Variants in NTM observed in about 807,000 individuals in gnomAD.
NTM encodes IgLON family member 2.
NTM carries 13 observed loss-of-function variants against 42.1 expected under a neutral mutation model. That is an observed-to-expected ratio of 0.31 (90% CI 0.20 to 0.49). The LOEUF (loss-of-function observed/expected upper bound fraction) is 0.49, where lower values mean the gene tolerates loss of function less well. NTM is among the 20% of genes least tolerant of loss of function. The probability of loss-of-function intolerance (pLI) is 0.99; values close to 1 mark genes in which losing one functional copy is unlikely to be tolerated. For missense variants in NTM, 373 were observed against 452.8 expected (o/e 0.82, Z 1.60); for synonymous variants, 187 against 179.2 (o/e 1.04, Z -0.35).
chr11:131,685,509 C>A (rs1334818149), intron 1 of NTM, among the ~76,000 whole-genome samples: 3 of 152,292 alleles, frequency 2.0e-5, no homozygotes, highest in African/African-American at 7.2e-5. Flanking sequence ...TCAGCTGGTC[C>A]CCTGTACGCC....
intron 4 of NTM, among the ~76,000 whole-genome samples, chr11:132,292,528 C>T (rs2094480124): frequency 6.6e-6 from 1 of 151,950 alleles, no homozygotes; most frequent in Admixed American, 6.6e-5. Context: ...AAAAATGAAC[C>T]TTGAGAGTGC....
chr11:132,081,914 C>A (rs182823577), intron 2 of NTM, among the ~76,000 whole-genome samples: 1 of 143,524 alleles, frequency 7.0e-6, no homozygotes, highest in Non-Finnish European at 1.5e-5. Flanking sequence ...CATATATTCA[C>A]GCCACACACA....
At chr11:131,503,650 A>G (rs2136391705) in intron 1 of NTM, among the ~76,000 whole-genome samples, 1 of 151,904 alleles carries the variant, frequency 6.6e-6, no homozygotes, top group Middle Eastern at 3.4e-3. Flanking sequence ...AGCCTCCCAA[A>G]TAGCTGGGAC....
intron 1 of NTM, among the ~76,000 whole-genome samples, chr11:131,761,514 G>A (rs1039537916): frequency 1.8e-4 from 28 of 152,048 alleles, no homozygotes; most frequent in Non-Finnish European, 7.4e-5. Context: ...GCCCTCATAA[G>A]AGGAGAAAGC....
At chr11:132,255,203 G>A (rs2092377223) in intron 4 of NTM, among the ~76,000 whole-genome samples, 1 of 152,180 alleles carries the variant, frequency 6.6e-6, no homozygotes, top group Non-Finnish European at 1.5e-5. Flanking sequence ...TCTTTGGTTT[G>A]AGTCTGATCT....
intron 1 of NTM, among the ~76,000 whole-genome samples, chr11:131,449,099 T>C (rs940357352): frequency 1.3e-5 from 2 of 151,896 alleles, no homozygotes; most frequent in African/African-American, 4.8e-5. Flanking sequence ...GAAGGGAGGG[T>C]CTCTGGTGCT....
intron 1 of NTM, among the ~76,000 whole-genome samples, chr11:131,630,391 G>A (rs1195802944): frequency 1.3e-5 from 2 of 152,252 alleles, no homozygotes; most frequent in East Asian, 3.9e-4. Context: ...AAGCTCTTTA[G>A]ATTGAATCTA....
chr11:132,238,999 G>T (rs530444951), intron 4 of NTM, among the ~76,000 whole-genome samples: 1 of 152,298 alleles, frequency 6.6e-6, no homozygotes, highest in African/African-American at 2.4e-5. Context: ...TGGGCAAACA[G>T]AAATGAATTC....
intron 1 of NTM, among the ~76,000 whole-genome samples, chr11:131,523,799 A>AG (rs977782500): frequency 6.7e-6 from 1 of 150,140 alleles, no homozygotes; most frequent in African/African-American, 2.5e-5. Context: ...AAAAAAAAAA[A>AG]AAAAAAGAAT....
intron 1 of NTM, among the ~76,000 whole-genome samples, chr11:131,410,925 A>G (rs892719958): frequency 6.6e-5 from 10 of 152,122 alleles, no homozygotes; most frequent in African/African-American, 1.4e-4. Context: ...AGGATGCCCC[A>G]TTTTTCCTAG....
intron 2 of NTM, among the ~76,000 whole-genome samples, chr11:132,093,303 C>A (rs1313655333): frequency 6.6e-6 from 1 of 152,152 alleles, no homozygotes; most frequent in African/African-American, 2.4e-5. Context: ...ATGCTGTTTC[C>A]TCTGCCTGGT....
chr11:131,495,387 T>G (rs1026057916), intron 1 of NTM, among the ~76,000 whole-genome samples: 2 of 152,234 alleles, frequency 1.3e-5, no homozygotes, highest in African/African-American at 4.8e-5. Context: ...GCACACGTCC[T>G]TGGCTGATTG....
At chr11:131,661,137 G>A (rs1410765847) in intron 1 of NTM, 20 of 866,434 alleles carry the variant, frequency 2.3e-5, no homozygotes, top group Admixed American at 5.2e-5. Flanking sequence ...TCCTCAGGAC[G>A]GAAGGTCCAG....
At chr11:132,195,931 G>A (rs571954997) in intron 3 of NTM, among the ~76,000 whole-genome samples, 16 of 152,238 alleles carry the variant, frequency 1.1e-4, no homozygotes, top group Admixed American at 3.3e-4. Flanking sequence ...AAAAGCAATA[G>A]CAACAGAGCC....
At chr11:131,858,687 T>C (rs61901684) in intron 1 of NTM, among the ~76,000 whole-genome samples, 12,046 of 152,274 alleles carry the variant, frequency 0.079, 662 homozygotes, top group Middle Eastern at 0.13. Context: ...CTGAAGCAGC[T>C]CTGCAGCACG....
intron 1 of NTM, among the ~76,000 whole-genome samples, chr11:131,849,022 G>A (rs2045235695): frequency 6.6e-6 from 1 of 152,118 alleles, no homozygotes; most frequent in Admixed American, 6.5e-5. Context: ...TATAAAATAG[G>A]TGTATAATCA....
chr11:132,176,374 A>T (rs1021591451), intron 3 of NTM, among the ~76,000 whole-genome samples: 1 of 152,172 alleles, frequency 6.6e-6, no homozygotes, highest in African/African-American at 2.4e-5. Context: ...AAAAGAAAAA[A>T]AAAACCTGTT....
At chr11:131,880,764 C>T (rs2049335491) in intron 1 of NTM, among the ~76,000 whole-genome samples, 1 of 151,966 alleles carries the variant, frequency 6.6e-6, no homozygotes, top group Admixed American at 6.5e-5. Context: ...GGTTCAGTTC[C>T]TTGTGGCACC....
At chr11:131,645,734 G>T (rs1416342979) in intron 1 of NTM, among the ~76,000 whole-genome samples, 1 of 152,110 alleles carries the variant, frequency 6.6e-6, no homozygotes, top group Non-Finnish European at 1.5e-5. Context: ...TTGATTGGAA[G>T]TTCTCCTTCG....
Sources: gnomAD v4.1 joint callset for allele counts (sites outside exome capture counted in the v4.1 genomes callset) on GRCh38, gnomAD v4.1.1 for gene constraint, MANE v1.5 for transcripts, NCBI Gene and HGNC (gene_info 2026-07-23, HGNC 2026-07-21) for gene names.